SPAG16: variants seen among roughly 807,000 people sequenced by gnomAD.
SPAG16 encodes the protein sperm-associated antigen 16 protein.
Under a neutral mutation model 80.4 loss-of-function variants are expected in SPAG16, and 86 were observed. The ratio of observed to expected loss-of-function variants is 1.07; its 90% CI spans 0.90 to 1.28. The LOEUF (loss-of-function observed/expected upper bound fraction) is 1.28. SPAG16 is among the 50% of genes most tolerant of loss of function. The pLI is 0.00. For synonymous variants in SPAG16, 294 were observed against 265.9 expected (o/e 1.11, Z -1.03); for missense variants, 870 against 765.3 (o/e 1.14, Z -1.61).
In SPAG16 at chr2:213,742,224, A is replaced by G. The variant is rs1459164128; in HGVS notation, c.1071-120261A>G. Among the ~76,000 whole-genome samples the G allele has an allele frequency of 4.6e-5, 7 of 152,072 alleles. No individual in the cohort carries two copies. The East Asian group carries it at 1.2e-3, about 25-fold the overall frequency. ...TTTCCCTAAGAATTTTGGAACTTACAGATTGTTTACTAATTTTGGAGACAG... is the reference window on the plus strand; with the variant it reads ...TTTCCCTAAGAATTTTGGAACTTACGGATTGTTTACTAATTTTGGAGACAG... On this transcript the variant is annotated intron_variant, in intron 10 of 15. Transcript: ENST00000331683.
chr2:214,208,821 G>A lies in SPAG16; in HGVS notation c.1720+59555G>A, dbSNP rs572689552. On this transcript the variant is annotated intron_variant, in intron 15 of 15. Transcript: ENST00000331683. ...GGGCACTTAATCTTCCTGTGCCTCA[G>A]TTACTTCTTCTATAAAATGGGGATT... Among the ~76,000 whole-genome samples the A allele has an allele frequency of 5.3e-5, 8 of 152,196 alleles. No individual in the cohort carries two copies. In the East Asian group the frequency reaches 1.4e-3, roughly 26 times the overall value.
intron 10 of SPAG16, among the ~76,000 whole-genome samples, chr2:213,632,122 A>G (rs1166666355): frequency 6.6e-6 from 1 of 151,812 alleles, no homozygotes; most frequent in Admixed American, 6.6e-5. Context: ...AACATGGAAT[A>G]TTTTTCTATT....
intron 14 of SPAG16, among the ~76,000 whole-genome samples, chr2:214,144,488 A>G (rs765119211): frequency 9.9e-5 from 15 of 152,142 alleles, no homozygotes; most frequent in African/African-American, 3.6e-4. Flanking sequence ...TCATTCTACA[A>G]TTATCTATTG....
At chr2:213,844,151 C>A (rs1356064753) in intron 10 of SPAG16, among the ~76,000 whole-genome samples, 2 of 152,104 alleles carry the variant, frequency 1.3e-5, no homozygotes, top group Non-Finnish European at 1.5e-5. Flanking sequence ...ACTCAGCTTG[C>A]GTAAAGGTTT....
intron 12 of SPAG16, among the ~76,000 whole-genome samples, chr2:214,012,353 T>G (rs2047355424): frequency 7.3e-6 from 1 of 137,920 alleles, no homozygotes. Context: ...TGGAGTGCAG[T>G]GGTGTGATCT....
At chr2:213,377,891 ATATATATATATAT>A (rs1254882631) in intron 9 of SPAG16, among the ~76,000 whole-genome samples, 44 of 72,788 alleles carry the variant, frequency 6.0e-4, no homozygotes, top group Middle Eastern at 5.1e-3. Flanking sequence ...GTATATATAT[ATATATATATATAT>A]TTTTTTTTTT....
At chr2:214,231,912 G>C (rs1479041097) in intron 15 of SPAG16, among the ~76,000 whole-genome samples, 1 of 152,026 alleles carries the variant, frequency 6.6e-6, no homozygotes, top group Non-Finnish European at 1.5e-5. Flanking sequence ...ATTAAAAAGA[G>C]ACTATATGCA....
At chr2:213,549,905 CAT>C (rs2076732756) in intron 10 of SPAG16, among the ~76,000 whole-genome samples, 1 of 152,002 alleles carries the variant, frequency 6.6e-6, no homozygotes, top group Non-Finnish European at 1.5e-5. Context: ...AGGGAGGTGA[CAT>C]ATCTCTTCAT....
chr2:213,284,701 C>A, intron 1 of SPAG16, 82 bp downstream of exon 1: 1 of 1,494,822 alleles, frequency 6.7e-7, no homozygotes, highest in Non-Finnish European at 8.9e-7. Flanking sequence ...CCACTGGCGG[C>A]GCCTTTTGAG....
intron 12 of SPAG16, among the ~76,000 whole-genome samples, chr2:213,986,141 G>A (rs1225136517): frequency 1.3e-5 from 2 of 151,972 alleles, no homozygotes; most frequent in Non-Finnish European, 2.9e-5. Context: ...ACTTTTCTAG[G>A]GTTATATGGA....
intron 10 of SPAG16, among the ~76,000 whole-genome samples, chr2:213,621,952 A>G (rs183673288): frequency 5.3e-5 from 8 of 152,302 alleles, no homozygotes; most frequent in Admixed American, 3.3e-4. Flanking sequence ...CTTCACAATA[A>G]GTCTTAGAAC....
intron 9 of SPAG16, among the ~76,000 whole-genome samples, chr2:213,454,755 C>G (rs1220754195): frequency 6.6e-6 from 1 of 152,174 alleles, no homozygotes; most frequent in African/African-American, 2.4e-5. Flanking sequence ...ATAAGCCTAA[C>G]TAAGGGCTGA....
In SPAG16 at chr2:213,606,617, C is replaced by T. The variant is rs570112250; in HGVS notation, c.1070+116527C>T. ...CTTGGTGCAGTTACCAAATATCCAC[C>T]TGATCCTAGTGATTAATTTGCAGCT... On this transcript the variant is annotated intron_variant, in intron 10 of 15. Coordinates refer to ENST00000331683, the MANE Select transcript of SPAG16 (RefSeq NM_024532.5). Among the ~76,000 whole-genome samples the T allele has an allele frequency of 3.3e-5, 5 of 152,298 alleles. No homozygotes were observed. The East Asian group carries it at 9.6e-4, about 29-fold the overall frequency.
intron 15 of SPAG16, among the ~76,000 whole-genome samples, chr2:214,256,809 C>T (rs1307067368): frequency 6.7e-6 from 1 of 149,390 alleles, no homozygotes; most frequent in Non-Finnish European, 1.5e-5. Context: ...ACCACACTTT[C>T]CTTAATGTAG....
At chr2:213,978,198 C>T (rs1345756631) in intron 12 of SPAG16, among the ~76,000 whole-genome samples, 1 of 152,012 alleles carries the variant, frequency 6.6e-6, no homozygotes, top group African/African-American at 2.4e-5. Context: ...TGATAAGTCT[C>T]CTCTCACATT....
chr2:213,370,426 A>G (rs925013248), intron 8 of SPAG16, among the ~76,000 whole-genome samples: 3 of 152,186 alleles, frequency 2.0e-5, no homozygotes, highest in African/African-American at 4.8e-5. Context: ...ATATTTTACA[A>G]AGAGTGTACA....
chr2:214,236,780 C>T (rs1192814525), intron 15 of SPAG16, among the ~76,000 whole-genome samples: 1 of 152,096 alleles, frequency 6.6e-6, no homozygotes, highest in Non-Finnish European at 1.5e-5. Context: ...TAGGTGTCTT[C>T]TGGATTCAGA....
intron 10 of SPAG16, among the ~76,000 whole-genome samples, chr2:213,577,415 A>G (rs912935383): frequency 1.3e-5 from 2 of 152,122 alleles, no homozygotes; most frequent in African/African-American, 4.8e-5. Flanking sequence ...TTTGTACTTG[A>G]TAGCTGCTCT....
chr2:214,124,282 TG>T (rs1029054446), intron 14 of SPAG16, among the ~76,000 whole-genome samples: 5 of 150,292 alleles, frequency 3.3e-5, no homozygotes, highest in Non-Finnish European at 7.4e-5. Context: ...TAAGAAATAA[TG>T]TCACTGATCA....
Sources: gnomAD v4.1 joint callset for allele counts (sites outside exome capture counted in the v4.1 genomes callset) on GRCh38, gnomAD v4.1.1 for gene constraint, MANE v1.5 for transcripts, NCBI Gene and HGNC (gene_info 2026-07-23, HGNC 2026-07-21) for gene names.